The following RGPD1 variants were observed in gnomAD, a reference collection of about 807,000 sequenced individuals.
RGPD1 encodes RANBP2 like and GRIP domain containing 1, also known as RANBP2-like and GRIP domain-containing protein 1.
In RGPD1, 7 loss-of-function variants were observed where a neutral mutation model predicts 40.6. That is an observed-to-expected ratio of 0.17 (90% CI 0.10 to 0.32). The LOEUF (loss-of-function observed/expected upper bound fraction) is 0.32. Among genes scored for constraint, RGPD1 ranks in the 10% least tolerant of loss-of-function variants. RGPD1 has a pLI of 1.00. For synonymous variants in RGPD1, 24 were observed against 167.0 expected, an observed-to-expected ratio of 0.14 and a Z score of 6.60; for missense variants, 50 against 472.5, an observed-to-expected ratio of 0.11 and a Z score of 8.29.
intron 1 of RGPD1, chr2:86,934,832 C>G (rs1679236432): frequency 7.0e-6 from 1 of 142,512 alleles, no homozygotes; most frequent in African/African-American, 2.6e-5. Flanking sequence ...TCTTGGCGAC[C>G]CAGTGCACAA....
chr2:86,933,667 AACAT>A (rs1360965473), intron 1 of RGPD1, among the ~76,000 whole-genome samples: 13 of 126,528 alleles, frequency 1.0e-4, no homozygotes, highest in African/African-American at 1.5e-4. Flanking sequence ...AGAAAATTTT[AACAT>A]ACAAAGTGAC....
intron 1 of RGPD1, among the ~76,000 whole-genome samples, chr2:86,918,265 A>C (rs1677864386): frequency 3.0e-5 from 1 of 33,186 alleles, no homozygotes; most frequent in Admixed American, 3.0e-4. Flanking sequence ...ACAGGCCCTT[A>C]TTAGATTATT....
chr2:86,913,985 G>T, intron 1 of RGPD1: 1 of 956,266 alleles, frequency 1.0e-6, no homozygotes, highest in South Asian at 2.1e-5. Flanking sequence ...GACCTGGCCG[G>T]GCGGCGGCGG....
At chr2:86,918,182 CTG>C (rs1440676360) in intron 1 of RGPD1, among the ~76,000 whole-genome samples, 5 of 151,110 alleles carry the variant, frequency 3.3e-5, no homozygotes, top group Admixed American at 3.3e-4. Context: ...ACCATCTACT[CTG>C]TACTTATACC....
intron 1 of RGPD1, chr2:86,930,710 C>T: frequency 1.3e-6 from 2 of 1,571,758 alleles, no homozygotes; most frequent in African/African-American, 1.4e-5. Context: ...CCCGAAGTGC[C>T]CCCCAGGCCT....
At chr2:86,944,659 C>G (rs1224418281) in intron 1 of RGPD1, among the ~76,000 whole-genome samples, 1 of 152,050 alleles carries the variant, frequency 6.6e-6, no homozygotes, top group Non-Finnish European at 1.5e-5. Flanking sequence ...GTGATTTCCC[C>G]GCCTCCACTT....
chr2:86,914,182 ACGGCGGCGGCGGCCTCGGCCTGGCCGGG>A (rs1374780444), intron 1 of RGPD1, among the ~76,000 whole-genome samples: 1,657 of 21,182 alleles, frequency 0.078, 90 homozygotes, highest in Non-Finnish European at 0.1. Context: ...GCCTGGCCGG[ACGGCGGCGGCGGCCTCGGCCTGGCCGGG>A]CGGCGGCGGC....
chr2:86,947,807 G>C lies in RGPD1; in HGVS notation c.73-3489G>C, dbSNP rs1279910713. On this transcript the variant is annotated intron_variant, in intron 1 of 22. Coordinates refer to ENST00000641458, the MANE Select transcript of RGPD1 (RefSeq NM_001382344.1). ...ATAATCACGGCCTTCACCCTTGTTG[G>C]GACTCCACAGATTTGGAGCTGATCA... Among the ~76,000 whole-genome samples the C allele has an allele frequency of 5.7e-5, 7 of 122,594 alleles. 1 individual carries two copies. The highest frequency in any genetic ancestry group is 2.1e-4 in the African/African-American group (7 of 33,662). 80.4% of individuals were successfully genotyped at this position (122,594 alleles called of 152,430 possible). A position where few individuals can be genotyped will look rare whatever the true frequency, so the allele number is the denominator to read the frequency against.
intron 1 of RGPD1, chr2:86,930,703 G>T (rs900314519): frequency 7.6e-6 from 12 of 1,585,026 alleles, no homozygotes; most frequent in Non-Finnish European, 1.0e-5. Context: ...TGCGGCGCCC[G>T]AAGTGCCCCC....
chr2:86,930,796 C>T lies in RGPD1; in HGVS notation c.72+16875C>T, dbSNP rs564157259. On this transcript the variant is annotated intron_variant, in intron 1 of 22. Transcript: ENST00000398193. ...CCCTGAGGACCACAGCCTCCTCTACCGCCAGCCGCCCCGCCCCTGCCACCT... is the reference window on the plus strand; with the variant it reads ...CCCTGAGGACCACAGCCTCCTCTACTGCCAGCCGCCCCGCCCCTGCCACCT... The T allele has an allele frequency of 3.7e-3, 3,852 of 1,040,358 alleles. 21 individuals carry two copies. The highest frequency in any genetic ancestry group is 5.6e-3 in the South Asian group (364 of 65,238). 64.4% of individuals were successfully genotyped at this position (1,040,358 alleles called of 1,614,324 possible).
rs906339728 is a variant in RGPD1, at chr2:86,942,277, C to G, written c.41C>G (p.Ser14Trp). ...SKAYGERYVASVQGSAPSPGK... is the reference protein window; with the variant it reads ...SKAYGERYVAWVQGSAPSPGK... Reference sequence around the variant, plus strand: ...GCCTACGGGGAGCGGTACGTCGCCTCGGTGCAGGGCTCCGCCCCGTCGCCT... The same window carrying G: ...GCCTACGGGGAGCGGTACGTCGCCTGGGTGCAGGGCTCCGCCCCGTCGCCT... Residue 14 changes from serine (S) to tryptophan (W), a missense_variant, in exon 1 of 23, where the codon TCG (serine) becomes TGG (tryptophan). Coordinates refer to ENST00000641458, the MANE Select transcript of RGPD1 (RefSeq NM_001382344.1). The G allele has an allele frequency of 1.7e-5, 28 of 1,606,102 alleles. No individual in the cohort carries two copies. The highest frequency in any genetic ancestry group is 2.2e-5 in the Non-Finnish European group (26 of 1,177,440).
rs540956868 is a variant in RGPD1, at chr2:86,926,117, G to C, written c.72+12196G>C. On this transcript the variant is annotated intron_variant, in intron 1 of 22. Transcript: ENST00000398193. ...TCTTTAGAAATATATAATAGACATA[G>C]AGGGGAAAGAGTTGGGGGAAATCAG... 3.9e-5 allele frequency among the ~76,000 whole-genome samples: 6 copies of C among 152,410 alleles called. No homozygotes were observed. The South Asian group carries it at 1.2e-3, about 32-fold the overall frequency.
chr2:86,923,104 T>C (rs1678153086), intron 1 of RGPD1, among the ~76,000 whole-genome samples: 1 of 138,894 alleles, frequency 7.2e-6, no homozygotes, highest in Non-Finnish European at 1.5e-5. Context: ...AGTGGCACGA[T>C]CTGAGCTCAC....
chr2:86,931,580 T>G lies in RGPD1; in HGVS notation c.72+17659T>G, dbSNP rs184740830. Among the ~76,000 whole-genome samples the G allele has an allele frequency of 3.1e-3, 465 of 152,178 alleles. 4 individuals are homozygous for G. Among genetic ancestry groups the G allele is most frequent in the Non-Finnish European group, 4.6e-3 (316 of 68,032 alleles). On this transcript the variant is annotated intron_variant, in intron 1 of 22. Coordinates refer to the RGPD1 transcript ENST00000398193. ...TTGGCAAAGAGCAAGCTTTCTCTATTATAAATGATTTTATATTTGTTTTGT... is the reference window on the plus strand; with the variant it reads ...TTGGCAAAGAGCAAGCTTTCTCTATGATAAATGATTTTATATTTGTTTTGT...
At chr2:86,944,280 A>G (rs1386226418) in intron 1 of RGPD1, among the ~76,000 whole-genome samples, 1 of 152,194 alleles carries the variant, frequency 6.6e-6, no homozygotes, top group African/African-American at 2.4e-5. Context: ...AGAAGGATAG[A>G]TATCTACTTG....
intron 22 of RGPD1, among the ~76,000 whole-genome samples, chr2:86,998,582 T>G (rs1398019592): frequency 1.4e-5 from 1 of 71,550 alleles, no homozygotes; most frequent in Non-Finnish European, 2.7e-5. Flanking sequence ...GTAGTTAGAG[T>G]TGGTTTCCAT....
At chr2:86,918,098 C>G (rs558755016) in intron 1 of RGPD1, among the ~76,000 whole-genome samples, 1 of 150,346 alleles carries the variant, frequency 6.7e-6, no homozygotes, top group African/African-American at 2.4e-5. Flanking sequence ...TGTCTTTTTA[C>G]ACACATATTG....
At chr2:86,954,488 A>AT (rs1416365469) in intron 4 of RGPD1, among the ~76,000 whole-genome samples, 18 of 18,024 alleles carry the variant, frequency 1.0e-3, no homozygotes, top group African/African-American at 2.4e-3. Context: ...CAGGTTGAGC[A>AT]TTTAAAATCT....
At chr2:86,915,329 A>T (rs1677742700) in intron 1 of RGPD1, among the ~76,000 whole-genome samples, 1 of 150,606 alleles carries the variant, frequency 6.6e-6, no homozygotes, top group South Asian at 2.1e-4. Flanking sequence ...ATTGTAGACA[A>T]GAATAACTTT....
Sources: allele counts gnomAD v4.1 joint callset (sites outside exome capture counted in the v4.1 genomes callset), GRCh38; gene constraint gnomAD v4.1.1; transcripts MANE v1.5; gene names NCBI Gene and HGNC (gene_info 2026-07-23, HGNC 2026-07-21).